STAT4: variants seen among roughly 807,000 people sequenced by gnomAD.
STAT4 encodes signal transducer and activator of transcription 4.
Under a neutral mutation model 110.5 loss-of-function variants are expected in STAT4, and 42 were observed. The observed-to-expected ratio is 0.38, with a 90% confidence interval of 0.30 to 0.49. The LOEUF is 0.49. Ranked by LOEUF, STAT4 falls within the 20% of genes least tolerant of loss-of-function variation. The pLI is 0.95. For synonymous variants in STAT4, 284 were observed against 302.2 expected (o/e 0.94, Z 0.63); for missense variants, 632 against 887.9 (o/e 0.71, Z 3.66).
intron 3 of STAT4, among the ~76,000 whole-genome samples, chr2:191,141,063 C>T (rs1055927625): frequency 2.0e-5 from 3 of 150,956 alleles, no homozygotes; most frequent in African/African-American, 4.9e-5. Context: ...AGTGATATAA[C>T]GGACTTTGGG....
rs536714792 is a variant in STAT4 at position 191,143,062 on chromosome 2, T to C, written c.273+3551A>G. Among the ~76,000 whole-genome samples, 5 of 152,264 alleles carry C rather than the reference T, an allele frequency of 3.3e-5. No individual in the cohort carries two copies. The South Asian group carries it at 1.0e-3, about 32-fold the overall frequency. On this transcript the variant is annotated intron_variant, in intron 3 of 23. Transcript: ENST00000392320. This position sits in a 1 kb window ranked among gnomAD's most constrained non-coding sequence, Gnocchi z 5.6. ...GCAAGACATGAATAATAGGTGAAAC[T>C]GGGATGTGGAGCTGGGAAGGAAGTA...
At chr2:191,137,790 C>T (rs1219249243) in intron 3 of STAT4, among the ~76,000 whole-genome samples, 1 of 151,998 alleles carries the variant, frequency 6.6e-6, no homozygotes, top group Non-Finnish European at 1.5e-5. Context: ...TTCAATAAAT[C>T]GTGGTGGGAT....
chr2:191,146,529 T>C lies in STAT4; in HGVS notation c.273+84A>G, dbSNP rs1217528064. On this transcript the variant is annotated intron_variant, in intron 3 of 23. Transcript: ENST00000392320. The surrounding 1 kb of genome is among the most constrained non-coding windows in gnomAD (Gnocchi z 4.5). ...TTTTCCCCTAAATTTCATTTGAAAA[T>C]AATATAAGGGTACATATTTAATTTT... The C allele has an allele frequency of 6.6e-6, 8 of 1,205,176 alleles. No homozygotes were observed. The highest frequency in any genetic ancestry group is 8.5e-6 in the Non-Finnish European group (8 of 940,236). The allele number at this position is 1,205,176 out of a possible 1,614,324, so 74.7% of individuals were successfully genotyped here.
At chr2:191,132,041 A>T (rs1699050067) in intron 3 of STAT4, 1 of 1,089,928 alleles carries the variant, frequency 9.2e-7, no homozygotes, top group Admixed American at 4.3e-5. Flanking sequence ...ATAACTGAAG[A>T]GAAACGTTTC....
chr2:191,041,904 C>G (rs547062415), intron 14 of STAT4, among the ~76,000 whole-genome samples: 2 of 152,170 alleles, frequency 1.3e-5, no homozygotes, highest in East Asian at 3.9e-4. Flanking sequence ...TACAGAGGCT[C>G]TCTACATTCT....
rs1182776477 is a variant in STAT4, at chr2:191,138,054, C to A, written c.273+8559G>T. 3.3e-5 allele frequency among the ~76,000 whole-genome samples: 5 copies of A among 152,122 alleles called. No individual in the cohort carries two copies. The highest frequency in any genetic ancestry group is 7.4e-5 in the Non-Finnish European group (5 of 68,012). On this transcript the variant is annotated intron_variant, in intron 3 of 23. Coordinates refer to ENST00000392320, the MANE Select transcript of STAT4 (RefSeq NM_003151.4). The surrounding 1 kb of genome is among the most constrained non-coding windows in gnomAD (Gnocchi z 4.3). ...GCTTCTGCACAGCAAAGGAAACAAT[C>A]AGCAGAGTGAAGAGACAATCTGCTG...
intron 3 of STAT4, among the ~76,000 whole-genome samples, chr2:191,089,406 C>A (rs1037491975): frequency 6.6e-6 from 1 of 152,166 alleles, no homozygotes; most frequent in Non-Finnish European, 1.5e-5. Flanking sequence ...ACTGATCACA[C>A]CAAATGTTGA....
chr2:191,110,632 T>C lies in STAT4; in HGVS notation c.274-34307A>G, dbSNP rs192034831. Among the ~76,000 whole-genome samples the C allele has an allele frequency of 3.6e-3, 552 of 152,300 alleles. 5 individuals carry two copies. The highest frequency in any genetic ancestry group is 3.9e-3 in the Non-Finnish European group (266 of 68,014). On this transcript the variant is annotated intron_variant, in intron 3 of 23. Coordinates refer to ENST00000392320, the MANE Select transcript of STAT4 (RefSeq NM_003151.4). The surrounding 1 kb of genome is among the most constrained non-coding windows in gnomAD (Gnocchi z 4.5). ...TGCTTTTTGTTTCGTGGTATACATGTATCCAAGATGGGGAATTTATTGGCC... is the reference window on the plus strand; with the variant it reads ...TGCTTTTTGTTTCGTGGTATACATGCATCCAAGATGGGGAATTTATTGGCC...
chr2:191,074,930 G>A lies in STAT4; in HGVS notation c.372+1297C>T, dbSNP rs539682272. Among the ~76,000 whole-genome samples the A allele has an allele frequency of 8.0e-4, 122 of 152,304 alleles. 1 individual carries two copies. The highest frequency in any genetic ancestry group is 1.7e-3 in the Admixed American group (26 of 15,294). Reference sequence around the variant, plus strand: ...AATCCCAGCACTTTGGGAGGTCAAGGTGGGAAGATCACTTGAGGTCAGGAG... The same window carrying A: ...AATCCCAGCACTTTGGGAGGTCAAGATGGGAAGATCACTTGAGGTCAGGAG... On this transcript the variant is annotated intron_variant, in intron 4 of 23. Coordinates refer to ENST00000392320, the MANE Select transcript of STAT4 (RefSeq NM_003151.4).
rs1392029332 is a variant in STAT4, at chr2:191,113,356, T to G, written c.273+33257A>C. Among the ~76,000 whole-genome samples, 4 of 152,242 alleles carry G rather than the reference T, an allele frequency of 2.6e-5. No individual in the cohort carries two copies. Among genetic ancestry groups the G allele is most frequent in the Non-Finnish European group, 1.5e-5 (1 of 68,034 alleles). On this transcript the variant is annotated intron_variant, in intron 3 of 23. Coordinates refer to ENST00000392320, the MANE Select transcript of STAT4 (RefSeq NM_003151.4). The surrounding 1 kb of genome is among the most constrained non-coding windows in gnomAD (Gnocchi z 4.8). ...TGTCTCTTAGTACCTATATTACAGT[T>G]GTTCCTTTGATCTTGAGAGCTCCAA...
intron 14 of STAT4, among the ~76,000 whole-genome samples, chr2:191,044,668 A>G (rs1447611973): frequency 6.6e-6 from 1 of 152,206 alleles, no homozygotes; most frequent in East Asian, 1.9e-4. Context: ...ACAAAAAACA[A>G]CTACCCCACA....
Position 191,144,060 on chromosome 2 carries a change from A to G in STAT4, c.273+2553T>C, listed in dbSNP as rs1165677906. Among the ~76,000 whole-genome samples the G allele has an allele frequency of 2.6e-5, 4 of 152,174 alleles. No individual in the cohort carries two copies. Among genetic ancestry groups the G allele is most frequent in the African/African-American group, 9.7e-5 (4 of 41,440 alleles). On this transcript the variant is annotated intron_variant, in intron 3 of 23. Coordinates refer to ENST00000392320, the MANE Select transcript of STAT4 (RefSeq NM_003151.4). The surrounding 1 kb of genome is among the most constrained non-coding windows in gnomAD (Gnocchi z 4.7). Reference sequence around the variant, plus strand: ...CAAGAAAGAGCAAGTGTTTTTTTCAACTCAAATATCTTAATTCACCAAATT... The same window carrying G: ...CAAGAAAGAGCAAGTGTTTTTTTCAGCTCAAATATCTTAATTCACCAAATT...
In STAT4 at chr2:191,046,563, G is replaced by C. The variant is rs1010464820; in HGVS notation, c.1252-5415C>G. On this transcript the variant is annotated intron_variant, in intron 14 of 23. Transcript: ENST00000392320. This position sits in a 1 kb window ranked among gnomAD's most constrained non-coding sequence, Gnocchi z 4.6. Reference sequence around the variant, plus strand: ...CTGGGCTAAGAATTCTGGGGTCCTGGATTCTGGGTGAGCACATTGCCTTAA... The same window carrying C: ...CTGGGCTAAGAATTCTGGGGTCCTGCATTCTGGGTGAGCACATTGCCTTAA... Among the ~76,000 whole-genome samples the C allele has an allele frequency of 6.6e-6, 1 of 152,194 alleles. No homozygotes were observed. The highest frequency in any genetic ancestry group is 2.4e-5 in the African/African-American group (1 of 41,440).
At chr2:191,036,448 T>G (rs1484490310) in intron 16 of STAT4, 149 bp from the exon 17 acceptor site, 1 of 856,204 alleles carries the variant, frequency 1.2e-6, no homozygotes, top group African/African-American at 1.7e-5. Flanking sequence ...CAGTTAACTG[T>G]TTCTCTAAAG....
At chr2:191,047,726 C>CGAA (rs1696388792) in intron 14 of STAT4, among the ~76,000 whole-genome samples, 1 of 152,164 alleles carries the variant, frequency 6.6e-6, no homozygotes, top group Non-Finnish European at 1.5e-5. Context: ...AGTGCAGTGG[C>CGAA]ATGATCTTGG....
intron 3 of STAT4, chr2:191,131,567 GA>G (rs887390384): frequency 4.9e-5 from 16 of 323,804 alleles, no homozygotes; most frequent in East Asian, 1.4e-4. Context: ...GCAACAAAAA[GA>G]AAAAAAATGA....
intron 17 of STAT4, 57 bp from the exon 18 acceptor site, chr2:191,034,654 G>A: frequency 7.6e-7 from 1 of 1,308,922 alleles, no homozygotes; most frequent in Non-Finnish European, 1.1e-6. Flanking sequence ...CTTCAATTTT[G>A]TGCTCAATTT....
intron 3 of STAT4, among the ~76,000 whole-genome samples, chr2:191,093,359 A>G (rs985330190): frequency 2.0e-5 from 3 of 152,226 alleles, no homozygotes; most frequent in Non-Finnish European, 4.4e-5. Flanking sequence ...AGGAAGGATC[A>G]GGCAGCAATA....
At position 191,033,591 on chromosome 2, in the gene STAT4, C is replaced by T. The variant is rs779069171; in HGVS notation, c.1751G>A (p.Arg584Gln). 2 of 1,613,836 alleles carry T rather than the reference C, an allele frequency of 1.2e-6. No homozygotes were observed. The highest frequency in any genetic ancestry group is 1.7e-6 in the Non-Finnish European group (2 of 1,179,958). Residue 584 changes from arginine to glutamine, a missense_variant, in exon 20 of 24, where the codon CGG becomes CAG. This residue lies in a region of STAT4 where 74 missense variants were observed against 154.3 expected (regional missense o/e 0.48). Coordinates refer to ENST00000392320, the MANE Select transcript of STAT4 (RefSeq NM_003151.4). The surrounding 1 kb of genome is among the most constrained non-coding windows in gnomAD (Gnocchi z 6.9). ...AGGCATTTTATCCTTTAGCAACAGC[C>T]GTTCCTTCTCTTTGCTAACAAAGCC... ...VMGFVSKEKE[R>Q]LLLKDKMPGT...
Sources: allele counts gnomAD v4.1 joint callset (sites outside exome capture counted in the v4.1 genomes callset), GRCh38; gene constraint gnomAD v4.1.1; regional missense constraint gnomAD v4.1.1; non-coding constraint Gnocchi (gnomAD v3.1); transcripts MANE v1.5; gene names NCBI Gene and HGNC (gene_info 2026-07-23, HGNC 2026-07-21).